Variants in MYCBP2 observed in about 807,000 individuals in gnomAD.
MYCBP2 encodes MYC binding protein 2.
Under a neutral mutation model 525.3 loss-of-function variants are expected in MYCBP2, and 120 were observed. The ratio of observed to expected loss-of-function variants is 0.23; its 90% CI spans 0.20 to 0.27. The LOEUF is 0.27. MYCBP2 is among the 10% of genes least tolerant of loss of function. MYCBP2 has a pLI of 1.00. For synonymous variants in MYCBP2, 1,894 were observed against 1,955.8 expected, an observed-to-expected ratio of 0.97 and a Z score of 0.83; for missense variants, 4,149 against 5,657.1, an observed-to-expected ratio of 0.73 and a Z score of 8.55.
At chr13:77,258,396 C>A (rs2072621455) in intron 13 of MYCBP2, among the ~76,000 whole-genome samples, 1 of 152,176 alleles carries the variant, frequency 6.6e-6, no homozygotes, top group South Asian at 2.1e-4. Flanking sequence ...AAGTGCCACT[C>A]ATATTATCTA....
At chr13:77,192,065 C>A (rs1044165487) in intron 27 of MYCBP2, among the ~76,000 whole-genome samples, 23 of 152,190 alleles carry the variant, frequency 1.5e-4, no homozygotes, top group African/African-American at 5.1e-4. Context: ...TGTTATAAAA[C>A]TTTCATATTA....
intron 20 of MYCBP2, among the ~76,000 whole-genome samples, chr13:77,219,188 A>G (rs1164565589): frequency 6.6e-6 from 1 of 152,176 alleles, no homozygotes; most frequent in Non-Finnish European, 1.5e-5. Flanking sequence ...ACAGACATCT[A>G]GAATAAACCA....
At chr13:77,158,792 G>T (rs1229077299) in intron 44 of MYCBP2, among the ~76,000 whole-genome samples, 1 of 152,108 alleles carries the variant, frequency 6.6e-6, no homozygotes, top group Non-Finnish European at 1.5e-5. Context: ...CATGAGTAAG[G>T]TGTGTCTGTT....
chr13:77,101,801 T>G (rs2047110394), intron 55 of MYCBP2, among the ~76,000 whole-genome samples: 2 of 152,102 alleles, frequency 1.3e-5, no homozygotes, highest in Admixed American at 1.3e-4. Context: ...GCCCCTGTGC[T>G]AATTTATGTT....
At chr13:77,116,018 G>A (rs184381797) in intron 55 of MYCBP2, among the ~76,000 whole-genome samples, 3 of 151,770 alleles carry the variant, frequency 2.0e-5, no homozygotes. Context: ...GTAGTCAACA[G>A]AATTGACCTC....
intron 57 of MYCBP2, among the ~76,000 whole-genome samples, chr13:77,095,980 A>T (rs1278140933): frequency 6.6e-6 from 1 of 152,098 alleles, no homozygotes; most frequent in African/African-American, 2.4e-5. Context: ...CAAAGGAGCC[A>T]AAAAAAGAGG....
chr13:77,157,623 A>T (rs1319520279), intron 45 of MYCBP2, among the ~76,000 whole-genome samples: 1 of 151,990 alleles, frequency 6.6e-6, no homozygotes, highest in Admixed American at 6.6e-5. Context: ...GTGGTGGCAT[A>T]TCTGTAATCC....
chr13:77,314,017 G>C (rs1304532085), intron 1 of MYCBP2, among the ~76,000 whole-genome samples: 1 of 151,896 alleles, frequency 6.6e-6, no homozygotes, highest in Non-Finnish European at 1.5e-5. Context: ...ATGTTGGCGA[G>C]GCTTTAATGC....
chr13:77,291,639 T>C (rs546233098), intron 2 of MYCBP2, among the ~76,000 whole-genome samples: 111 of 152,124 alleles, frequency 7.3e-4, no homozygotes, highest in African/African-American at 2.6e-3. Context: ...TGGCGGTGCA[T>C]GCCTGTAATC....
chr13:77,253,256 A>G lies in MYCBP2; in HGVS notation c.2177-1901T>C, dbSNP rs149517796. 6.2e-3 allele frequency among the ~76,000 whole-genome samples: 935 copies of G among 151,974 alleles called. 9 individuals carry two copies. The highest frequency in any genetic ancestry group is 0.022 in the African/African-American group (899 of 41,524). ...TAAAAGAAAAGTGAGAGAACCAGCA[A>G]TTCTACTCCTAGGTATATACCCAAA... On this transcript the variant is annotated intron_variant, in intron 14 of 82. Transcript: ENST00000544440.
chr13:77,282,569 A>G (rs966261411), intron 3 of MYCBP2, among the ~76,000 whole-genome samples: 11 of 152,104 alleles, frequency 7.2e-5, no homozygotes, highest in Non-Finnish European at 1.5e-4. Flanking sequence ...TATTTTTTCA[A>G]ACAATGTTCT....
intron 26 of MYCBP2, among the ~76,000 whole-genome samples, chr13:77,200,073 T>G (rs1157967395): frequency 1.3e-5 from 2 of 152,092 alleles, no homozygotes; most frequent in Admixed American, 6.6e-5. Flanking sequence ...AGAAGAAGGC[T>G]TCAGATGATC....
At chr13:77,292,146 T>C (rs1253862594) in intron 2 of MYCBP2, among the ~76,000 whole-genome samples, 3 of 152,238 alleles carry the variant, frequency 2.0e-5, no homozygotes, top group African/African-American at 7.2e-5. Context: ...TACACATTTC[T>C]CTGTAGTTCA....
rs760127747 is a variant in MYCBP2 at position 77,161,900 on chromosome 13, C to A, written c.6597+6G>T. ...AAGTTTATCCTTAAAACATTTGGGA[C>A]AATACCTGCAATGCAGCCTCCTCAA... On this transcript the variant is annotated splice_donor_region_variant and intron_variant, in intron 44 of 82. Coordinates refer to ENST00000544440, the MANE Select transcript of MYCBP2 (RefSeq NM_015057.5). 5.0e-6 allele frequency: 8 copies of A among 1,603,412 alleles called. No individual in the cohort carries two copies. The East Asian group carries it at 1.6e-4, about 31-fold the overall frequency.
At chr13:77,104,481 G>A (rs945199165) in intron 55 of MYCBP2, among the ~76,000 whole-genome samples, 5 of 152,010 alleles carry the variant, frequency 3.3e-5, no homozygotes, top group Non-Finnish European at 5.9e-5. Context: ...AGAAACTTGG[G>A]AGTCATATGC....
At chr13:77,067,967 G>A (rs185912750) in intron 70 of MYCBP2, 103 bp from the exon 71 acceptor site, 91 of 1,225,230 alleles carry the variant, frequency 7.4e-5, no homozygotes, top group Non-Finnish European at 1.0e-5. Flanking sequence ...TTGCTTTGTT[G>A]CCCAGGTTGG....
intron 20 of MYCBP2, among the ~76,000 whole-genome samples, chr13:77,221,974 C>A (rs1483188849): frequency 2.6e-5 from 4 of 152,134 alleles, no homozygotes; most frequent in Non-Finnish European, 4.4e-5. Context: ...AATGTAAACA[C>A]CATGTTAATA....
intron 21 of MYCBP2, among the ~76,000 whole-genome samples, chr13:77,212,939 C>G (rs945646377): frequency 2.0e-5 from 3 of 152,146 alleles, no homozygotes; most frequent in Non-Finnish European, 4.4e-5. Context: ...CATTCTGGAA[C>G]AAGGGAGCCT....
chr13:77,105,043 A>G (rs1216604376), intron 55 of MYCBP2, among the ~76,000 whole-genome samples: 1 of 152,126 alleles, frequency 6.6e-6, no homozygotes, highest in Non-Finnish European at 1.5e-5. Flanking sequence ...GGGTGATACA[A>G]TTCTTCAAGA....
Sources: gnomAD v4.1 joint callset for allele counts (sites outside exome capture counted in the v4.1 genomes callset) on GRCh38, gnomAD v4.1.1 for gene constraint, MANE v1.5 for transcripts, NCBI Gene and HGNC (gene_info 2026-07-23, HGNC 2026-07-21) for gene names.